SIGLEC12: variants seen among roughly 807,000 people sequenced by gnomAD.
SIGLEC12 encodes sialic acid-binding Ig-like lectin 12.
SIGLEC12 carries 43 observed loss-of-function variants against 54.1 expected under a neutral mutation model. The observed-to-expected ratio is 0.80, with a 90% CI of 0.62 to 1.03. The LOEUF is 1.03. SIGLEC12 is among the 50% of genes least tolerant of loss of function. The pLI is 0.00. For synonymous variants in SIGLEC12, 357 were observed against 307.6 expected (o/e 1.16, Z -1.68); for missense variants, 802 against 735.2 (o/e 1.09, Z -1.05).
At chr19:51,493,497 A>G (rs979155627) in intron 7 of SIGLEC12, among the ~76,000 whole-genome samples, 3 of 152,076 alleles carry the variant, frequency 2.0e-5, no homozygotes, top group Non-Finnish European at 4.4e-5. Flanking sequence ...AAACCCACAC[A>G]TCTTGTCGAA....
intron 7 of SIGLEC12, 72 bp downstream of exon 7, chr19:51,496,808 G>A (rs984350657): frequency 2.6e-6 from 4 of 1,535,776 alleles, no homozygotes; most frequent in Middle Eastern, 1.7e-4. Context: ...AGGACAGTGA[G>A]GAAGTAATCC....
At chr19:51,492,958 G>A (rs1990146707) in intron 7 of SIGLEC12, among the ~76,000 whole-genome samples, 1 of 152,194 alleles carries the variant, frequency 6.6e-6, no homozygotes, top group Non-Finnish European at 1.5e-5. Context: ...ACACGGTGGA[G>A]AGTGACAGAG....
chr19:51,499,906 A>G lies in SIGLEC12; in HGVS notation c.808+14T>C. 1 of 1,597,018 alleles carries G rather than the reference A, an allele frequency of 6.3e-7. No homozygotes were observed. ...GGCCTTCCCCTCTGGCTGGTCCTAG[A>G]GCCAGAGATTTACCTGTCACATGCA... On this transcript the variant is annotated intron_variant, in intron 2 of 7. Transcript: ENST00000291707.
chr19:51,499,828 C>A, intron 2 of SIGLEC12, 92 bp downstream of exon 2: 1 of 1,550,148 alleles, frequency 6.5e-7, no homozygotes, highest in Non-Finnish European at 8.7e-7. Context: ...TGCTTCACCT[C>A]CAACTCCCTC....
rs373987989 is a variant in SIGLEC12 at position 51,499,529 on chromosome 19, C to A, written c.996G>T (p.Gln332His). ...TGAGGCTGGTGCCATGGTCCTGGGG[C>A]TGTGGGATGAGGCTGAGCATCGAGG... ...TRSSMLSLIP[Q>H]PQDHGTSLTC... Residue 332 changes from glutamine (Q) to histidine (H), a missense_variant, in exon 3 of 8, where the codon CAG (glutamine) becomes CAT (histidine). By Grantham distance (24) the Gln-to-His change is conservative. Coordinates refer to ENST00000291707, the MANE Select transcript of SIGLEC12 (RefSeq NM_053003.4). 3 of 1,610,548 alleles carry A rather than the reference C, an allele frequency of 1.9e-6. No individual in the cohort carries two copies. The highest frequency in any genetic ancestry group is 1.3e-5 in the African/African-American group (1 of 74,826).
At chr19:51,494,900 G>A (rs1990183691) in intron 7 of SIGLEC12, among the ~76,000 whole-genome samples, 1 of 152,162 alleles carries the variant, frequency 6.6e-6, no homozygotes, top group South Asian at 2.1e-4. Flanking sequence ...CTTATATGAG[G>A]TATCTAGAAT....
chr19:51,496,134 C>A (rs1173017330), intron 7 of SIGLEC12, among the ~76,000 whole-genome samples: 1 of 152,162 alleles, frequency 6.6e-6, no homozygotes, highest in Non-Finnish European at 1.5e-5. Flanking sequence ...AAGATGAATA[C>A]AATTTTAACA....
In SIGLEC12 at chr19:51,491,375, T is replaced by C. The variant is rs1990094795; in HGVS notation, c.*266A>G. 1 of 458,114 alleles carries C rather than the reference T, an allele frequency of 2.2e-6. No individual in the cohort carries two copies. The highest frequency in any genetic ancestry group is 4.3e-5 in the East Asian group (1 of 23,490). The allele number at this position is 458,114 out of a possible 1,614,324, so 28.4% of individuals were successfully genotyped here. A position where few individuals can be genotyped will look rare whatever the true frequency, so the allele number is the denominator to read the frequency against. Reference sequence around the variant, plus strand: ...AGAGACAAACACTCTACGATCTCACTATATTTGGAACCTAAAATAGTCGAC... The same window carrying C: ...AGAGACAAACACTCTACGATCTCACCATATTTGGAACCTAAAATAGTCGAC... On this transcript the variant is annotated 3_prime_UTR_variant, in exon 8 of 8. Transcript: ENST00000291707.
intron 7 of SIGLEC12, among the ~76,000 whole-genome samples, chr19:51,495,592 T>G (rs1990222912): frequency 6.6e-6 from 1 of 152,238 alleles, no homozygotes; most frequent in Admixed American, 6.5e-5. Context: ...GCATTTTCCC[T>G]AAAGCATATA....
intron 1 of SIGLEC12, 72 bp from the exon 2 acceptor site, chr19:51,500,372 A>G (rs772462708): frequency 1.2e-6 from 2 of 1,612,496 alleles, no homozygotes; most frequent in Admixed American, 1.7e-5. Context: ...GGGCAGCAGC[A>G]TCTCTGAGGC....
intron 3 of SIGLEC12, 57 bp downstream of exon 3, chr19:51,499,381 C>G: frequency 6.5e-7 from 1 of 1,544,694 alleles, no homozygotes; most frequent in Non-Finnish European, 8.7e-7. Context: ...GGTCCCACAT[C>G]CAACTGGCCT....
Position 51,496,931 on chromosome 19 carries a change from C to G in SIGLEC12, c.1548G>C (p.Val516=), listed in dbSNP as rs781276956. ...RKKSARPAVG[V]GDTGMEDANA... ...TTGCGTCCTCCATGCCTGTATCCCC[C>G]ACGCCCACTGCTGGCCTTGCCGATT... The change falls in exon 7 of 8, where the codon GTG becomes GTC. Residue 516 remains valine (V), a synonymous_variant. Coordinates refer to ENST00000291707, the MANE Select transcript of SIGLEC12 (RefSeq NM_053003.4). The G allele has an allele frequency of 1.9e-6, 3 of 1,613,690 alleles. No individual in the cohort carries two copies. Among genetic ancestry groups the G allele is most frequent in the Non-Finnish European group, 1.7e-6 (2 of 1,180,024 alleles).
Position 51,491,535 on chromosome 19 carries a change from T to A in SIGLEC12, c.*106A>T, listed in dbSNP as rs1465958815. The A allele has an allele frequency of 9.3e-7, 1 of 1,078,156 alleles. No individual in the cohort carries two copies. 66.8% of individuals were successfully genotyped at this position (1,078,156 alleles called of 1,614,324 possible). A position where few individuals can be genotyped will look rare whatever the true frequency, so the allele number is the denominator to read the frequency against. On this transcript the variant is annotated 3_prime_UTR_variant, in exon 8 of 8. Transcript: ENST00000291707. ...TTGACAAGAGGAATAAGTTCTGATG[T>A]CCTGTTGCACAGCATGGAGGGCTGT... is the stretch of plus-strand genomic sequence containing the variant.
rs1555776987 is a variant in SIGLEC12, at chr19:51,501,537, G to GT, written c.196_197insA (p.Ala66AspfsTer50). 2.0e-5 allele frequency: 32 copies of GT among 1,613,348 alleles called. No homozygotes were observed. In the Admixed American group the frequency reaches 4.7e-4, roughly 24 times the overall value. On this transcript the variant is annotated frameshift_variant, in exon 1 of 8. Coordinates refer to ENST00000291707, the MANE Select transcript of SIGLEC12 (RefSeq NM_053003.4). LOFTEE classifies it high-confidence loss of function. ...AATGTTCCGGCTTACATGGTCCCCT[G>GT]CCCGGAACCAGTAGCCATGAACTGG...
intron 7 of SIGLEC12, among the ~76,000 whole-genome samples, chr19:51,493,845 T>C (rs1476248253): frequency 1.3e-5 from 2 of 152,156 alleles, no homozygotes; most frequent in South Asian, 2.1e-4. Flanking sequence ...ACACACAGTC[T>C]CTTCTGCACA....
At chr19:51,497,482 C>T in intron 5 of SIGLEC12, 37 bp from the exon 6 acceptor site, 1 of 1,519,592 alleles carries the variant, frequency 6.6e-7, no homozygotes, top group East Asian at 2.3e-5. Flanking sequence ...GGTTTACCCT[C>T]CAAGAACTGG....
At chr19:51,500,621 T>C (rs990402258) in intron 1 of SIGLEC12, among the ~76,000 whole-genome samples, 1 of 152,036 alleles carries the variant, frequency 6.6e-6, no homozygotes. Context: ...GCCTCCTACC[T>C]CCGGGCTTCC....
At chr19:51,499,801 C>T (rs1990343146) in intron 2 of SIGLEC12, 85 bp from the exon 3 acceptor site, 6 of 1,563,680 alleles carry the variant, frequency 3.8e-6, no homozygotes, top group Admixed American at 1.8e-5. Flanking sequence ...GGTCTTACTC[C>T]TCCCCTGAGC....
intron 5 of SIGLEC12, 36 bp downstream of exon 5, chr19:51,497,982 T>A: frequency 6.2e-7 from 1 of 1,611,078 alleles, no homozygotes; most frequent in South Asian, 1.1e-5. Context: ...GGGTGGGACA[T>A]GTGTGTTCTC....
Sources: allele counts gnomAD v4.1 joint callset (sites outside exome capture counted in the v4.1 genomes callset), GRCh38; gene constraint gnomAD v4.1.1; transcripts MANE v1.5; gene names NCBI Gene and HGNC (gene_info 2026-07-23, HGNC 2026-07-21).